The following LRRC4C variants were observed in gnomAD, a reference collection of about 807,000 sequenced individuals.
The protein encoded by LRRC4C is leucine rich repeat containing 4C.
Under a neutral mutation model 33.6 loss-of-function variants are expected in LRRC4C, and 5 were observed. The observed-to-expected ratio is 0.15, with a 90% CI of 0.08 to 0.31. LRRC4C has a LOEUF of 0.31. Among genes scored for constraint, LRRC4C ranks in the 10% least tolerant of loss-of-function variants. The pLI, the probability that LRRC4C is intolerant of heterozygous loss-of-function variation, is 1.00. For missense variants in LRRC4C, 560 were observed against 796.7 expected, an observed-to-expected ratio of 0.70 and a Z score of 3.58; for synonymous variants, 329 against 302.0, an observed-to-expected ratio of 1.09 and a Z score of -0.93.
At chr11:40,167,017 A>G (rs887289861) in intron 5 of LRRC4C, among the ~76,000 whole-genome samples, 3 of 152,172 alleles carry the variant, frequency 2.0e-5, no homozygotes, top group African/African-American at 7.2e-5. Context: ...TTGATTCTAC[A>G]TTAGTTAAGT....
intron 3 of LRRC4C, among the ~76,000 whole-genome samples, chr11:40,479,019 A>G (rs1953400606): frequency 6.6e-6 from 1 of 152,164 alleles, no homozygotes; most frequent in Non-Finnish European, 1.5e-5. Flanking sequence ...ATTACTCTGA[A>G]ATCCATATTT....
chr11:40,909,309 C>G (rs942012941), intron 2 of LRRC4C, among the ~76,000 whole-genome samples: 2 of 152,124 alleles, frequency 1.3e-5, no homozygotes, highest in East Asian at 3.9e-4. Flanking sequence ...CTTGCTTTGA[C>G]TAAATTTGCC....
At chr11:40,142,370 G>C (rs1224409459) in intron 5 of LRRC4C, among the ~76,000 whole-genome samples, 1 of 151,224 alleles carries the variant, frequency 6.6e-6, no homozygotes. Context: ...CCCTTCAGTA[G>C]GATATATGAA....
intron 2 of LRRC4C, among the ~76,000 whole-genome samples, chr11:40,883,266 C>T (rs551641301): frequency 2.6e-5 from 4 of 152,140 alleles, no homozygotes; most frequent in African/African-American, 7.2e-5. Flanking sequence ...AGAAATGCAA[C>T]TTTCCAGTCT....
chr11:40,765,862 G>C (rs1439268254), intron 2 of LRRC4C, among the ~76,000 whole-genome samples: 1 of 151,896 alleles, frequency 6.6e-6, no homozygotes, highest in African/African-American at 2.4e-5. Flanking sequence ...GCAAATCTAA[G>C]AGTCATTGGC....
At chr11:41,218,697 A>G (rs1207707281) in intron 1 of LRRC4C, among the ~76,000 whole-genome samples, 1 of 151,416 alleles carries the variant, frequency 6.6e-6, no homozygotes, top group African/African-American at 2.4e-5. Context: ...AATAGATTCT[A>G]TGTTGTTTTC....
intron 1 of LRRC4C, among the ~76,000 whole-genome samples, chr11:41,262,118 A>G (rs1467091621): frequency 6.6e-6 from 1 of 152,102 alleles, no homozygotes; most frequent in South Asian, 2.1e-4. Flanking sequence ...TTTATAACAA[A>G]TCTAGTGCAC....
At chr11:40,175,153 T>C (rs1860370518) in intron 5 of LRRC4C, among the ~76,000 whole-genome samples, 1 of 152,224 alleles carries the variant, frequency 6.6e-6, no homozygotes, top group African/African-American at 2.4e-5. Context: ...CACGAAGCAG[T>C]GGTTGCATAA....
chr11:40,602,537 G>GA (rs906249564), intron 3 of LRRC4C, among the ~76,000 whole-genome samples: 18 of 149,722 alleles, frequency 1.2e-4, no homozygotes, highest in African/African-American at 3.9e-4. Flanking sequence ...TCACAATATA[G>GA]AAAAAAATGA....
chr11:40,222,651 A>G (rs1221334165), intron 5 of LRRC4C, among the ~76,000 whole-genome samples: 1 of 152,236 alleles, frequency 6.6e-6, no homozygotes, highest in Non-Finnish European at 1.5e-5. Flanking sequence ...CAAAGAAATA[A>G]TTCCTGTACA....
chr11:40,625,600 G>A (rs1962854824), intron 3 of LRRC4C, among the ~76,000 whole-genome samples: 1 of 152,126 alleles, frequency 6.6e-6, no homozygotes, highest in African/African-American at 2.4e-5. Context: ...AAATTTGGGT[G>A]GGGACACAGC....
intron 2 of LRRC4C, among the ~76,000 whole-genome samples, chr11:40,665,285 A>C (rs1943662498): frequency 9.1e-6 from 1 of 109,446 alleles, no homozygotes; most frequent in Non-Finnish European, 2.0e-5. Context: ...GAAGAACCCA[A>C]AGCCCTGGGG....
intron 3 of LRRC4C, among the ~76,000 whole-genome samples, chr11:40,396,787 A>T (rs1949558525): frequency 6.6e-6 from 1 of 152,120 alleles, no homozygotes. Flanking sequence ...ATACATTTTA[A>T]GAATCTGTAT....
intron 1 of LRRC4C, among the ~76,000 whole-genome samples, chr11:41,407,859 C>T (rs1329793770): frequency 6.6e-6 from 1 of 152,138 alleles, no homozygotes; most frequent in Non-Finnish European, 1.5e-5. Context: ...AGATATATGG[C>T]ATCAAGTGAA....
chr11:41,100,747 A>T (rs1041232896), intron 1 of LRRC4C, among the ~76,000 whole-genome samples: 1 of 152,146 alleles, frequency 6.6e-6, no homozygotes, highest in East Asian at 1.9e-4. Context: ...AATCCTAAGC[A>T]AAAAGAACAA....
At chr11:41,301,736 G>T (rs959881391) in intron 1 of LRRC4C, among the ~76,000 whole-genome samples, 2 of 152,092 alleles carry the variant, frequency 1.3e-5, no homozygotes, top group Admixed American at 6.5e-5. Context: ...AATTTCATCA[G>T]AGGAGAGAGT....
intron 1 of LRRC4C, among the ~76,000 whole-genome samples, chr11:41,221,279 C>T (rs1046723591): frequency 6.7e-6 from 1 of 148,626 alleles, no homozygotes; most frequent in Non-Finnish European, 1.5e-5. Flanking sequence ...GTGCGGCCAA[C>T]CATCATATGA....
At chr11:40,385,020 G>A (rs571949492) in intron 3 of LRRC4C, among the ~76,000 whole-genome samples, 7 of 151,168 alleles carry the variant, frequency 4.6e-5, no homozygotes, top group Non-Finnish European at 7.4e-5. Flanking sequence ...CCAAAAATTG[G>A]CATAACAATA....
chr11:40,496,524 A>T (rs1276008539), intron 3 of LRRC4C, among the ~76,000 whole-genome samples: 1 of 151,670 alleles, frequency 6.6e-6, no homozygotes, highest in Non-Finnish European at 1.5e-5. Flanking sequence ...TTTTATTATT[A>T]TTTTTTTTAA....
Sources: gnomAD v4.1 joint callset for allele counts (sites outside exome capture counted in the v4.1 genomes callset) on GRCh38, gnomAD v4.1.1 for gene constraint, MANE v1.5 for transcripts, NCBI Gene and HGNC (gene_info 2026-07-23, HGNC 2026-07-21) for gene names.